The following ZNF91 variants were observed in gnomAD, a reference collection of about 807,000 sequenced individuals.
ZNF91 encodes zinc finger protein 91.
ZNF91 carries 7 observed loss-of-function variants against 12.6 expected under a neutral mutation model. The observed-to-expected ratio is 0.55, with a 90% confidence interval of 0.31 to 1.04. ZNF91 has a LOEUF of 1.04. Among genes scored for constraint, ZNF91 ranks in the 50% least tolerant of loss-of-function variants. The pLI, the probability that ZNF91 is intolerant of heterozygous loss-of-function variation, is 0.05. For missense variants in ZNF91, 1,217 were observed against 1,385.4 expected (o/e 0.88, Z 1.93); for synonymous variants, 453 against 462.6 (o/e 0.98, Z 0.27).
At chr19:23,342,212 G>A in intron 3 of ZNF91, 2 of 558,124 alleles carry the variant, frequency 3.6e-6, no homozygotes, top group Non-Finnish European at 3.3e-6. Context: ...ACATTCCAGG[G>A]CTCTTTTATT....
intron 1 of ZNF91, among the ~76,000 whole-genome samples, chr19:23,317,206 T>C (rs1484795555): frequency 6.6e-6 from 1 of 152,112 alleles, no homozygotes; most frequent in Non-Finnish European, 1.5e-5. Context: ...CCACCATGCC[T>C]GGCTAACTAT....
intron 1 of ZNF91, among the ~76,000 whole-genome samples, chr19:23,394,856 G>A (rs1054776643): frequency 2.0e-5 from 3 of 152,058 alleles, no homozygotes; most frequent in Non-Finnish European, 2.9e-5. Flanking sequence ...ACAAACCATA[G>A]CTGGGTGCTC....
intron 3 of ZNF91, among the ~76,000 whole-genome samples, chr19:23,343,387 T>C (rs1968161481): frequency 6.6e-6 from 1 of 152,218 alleles, no homozygotes; most frequent in Admixed American, 6.5e-5. Flanking sequence ...GTAAAACATC[T>C]AGTGATAGAA....
intron 3 of ZNF91, among the ~76,000 whole-genome samples, chr19:23,369,566 G>GGGGGAAATGTGGGGAAAAGAT (rs1474986199): frequency 2.0e-5 from 3 of 152,178 alleles, no homozygotes; most frequent in Non-Finnish European, 4.4e-5. Context: ...GAATAGAAAA[G>GGGGGAAATGTGGGGAAAAGAT]GGGGAAATGT....
intron 3 of ZNF91, among the ~76,000 whole-genome samples, chr19:23,370,443 T>C (rs1010185077): frequency 2.6e-4 from 40 of 152,252 alleles, no homozygotes; most frequent in African/African-American, 9.4e-4. Context: ...TTTTGCAAGA[T>C]GTAAAATTTC....
intron 1 of ZNF91, chr19:23,329,131 T>G (rs1010581678): frequency 1.3e-5 from 2 of 151,974 alleles, no homozygotes; most frequent in Non-Finnish European, 2.9e-5. Context: ...CTTTTCCTTC[T>G]TTCAATTTTT....
At chr19:23,313,930 A>G (rs376955923), upstream of ZNF91, among the ~76,000 whole-genome samples, 9 of 152,292 alleles carry the variant, frequency 5.9e-5, no homozygotes, top group African/African-American at 2.2e-4. Flanking sequence ...TAGCCAGAAC[A>G]GGGACACGTG....
At chr19:23,341,506 G>C (rs1968123349) in intron 3 of ZNF91, among the ~76,000 whole-genome samples, 1 of 151,914 alleles carries the variant, frequency 6.6e-6, no homozygotes, top group Non-Finnish European at 1.5e-5. Flanking sequence ...AAAATATATA[G>C]AAAATTCAAA....
At chr19:23,388,841 T>C (rs934004812) in intron 1 of ZNF91, among the ~76,000 whole-genome samples, 2 of 135,552 alleles carry the variant, frequency 1.5e-5, no homozygotes, top group Non-Finnish European at 3.2e-5. Context: ...GCCATTGCAC[T>C]CCAGCCTGGT....
At chr19:23,368,560 C>CTATATA (rs1369086504) in intron 3 of ZNF91, among the ~76,000 whole-genome samples, 215 of 117,474 alleles carry the variant, frequency 1.8e-3, no homozygotes, top group African/African-American at 5.2e-3. Flanking sequence ...CTCTCTCTCT[C>CTATATA]TCTATATATA....
downstream of ZNF91, among the ~76,000 whole-genome samples, chr19:23,353,310 C>A (rs567218870): frequency 6.6e-6 from 1 of 152,176 alleles, no homozygotes; most frequent in Non-Finnish European, 1.5e-5. Context: ...AAGGAACGTT[C>A]AAAACCATGC....
intron 3 of ZNF91, among the ~76,000 whole-genome samples, chr19:23,343,695 A>G (rs1298274150): frequency 1.3e-5 from 2 of 152,214 alleles, no homozygotes; most frequent in African/African-American, 2.4e-5. Flanking sequence ...GAGAGAGTAA[A>G]GCCGCTGACC....
Position 23,382,573 on chromosome 19 carries a change from T to C in ZNF91, c.31-7809A>G, listed in dbSNP as rs527544310. Among the ~76,000 whole-genome samples the C allele has an allele frequency of 7.9e-5, 12 of 152,250 alleles. No homozygotes were observed. The East Asian group carries it at 1.2e-3, about 15-fold the overall frequency. On this transcript the variant is annotated intron_variant, in intron 1 of 3. Transcript: ENST00000300619. ...CTCTTCATCTAAAAATAACATAACA[T>C]ACATTCTTCTCATCGCCACGTGGCA...
chr19:23,339,942 C>CAAAAA (rs71163488), intron 3 of ZNF91: 2 of 98,184 alleles, frequency 2.0e-5, no homozygotes, highest in African/African-American at 6.6e-5. Context: ...AAACCTATCT[C>CAAAAA]AAAAAAAAAA....
At chr19:23,376,424 T>C (rs1969506991) in intron 1 of ZNF91, among the ~76,000 whole-genome samples, 1 of 151,856 alleles carries the variant, frequency 6.6e-6, no homozygotes. Context: ...TTTGCTCTTG[T>C]TGTTGCCCAG....
intron 3 of ZNF91, among the ~76,000 whole-genome samples, chr19:23,363,441 C>G (rs2145065632): frequency 6.6e-6 from 1 of 152,328 alleles, no homozygotes; most frequent in South Asian, 2.1e-4. Flanking sequence ...TGATTACTGA[C>G]TCCTACAAAG....
chr19:23,369,933 C>T (rs2145086574), intron 3 of ZNF91, among the ~76,000 whole-genome samples: 1 of 149,238 alleles, frequency 6.7e-6, no homozygotes, highest in African/African-American at 2.5e-5. Context: ...ATCTGCTGAC[C>T]TTCCCTCCAC....
Position 23,395,373 on chromosome 19 carries a change from A to G in ZNF91, c.-19T>C, listed in dbSNP as rs1237319225. The G allele has an allele frequency of 6.2e-7, 1 of 1,613,600 alleles. No individual in the cohort carries two copies. The highest frequency in any genetic ancestry group is 8.5e-7 in the Non-Finnish European group (1 of 1,179,818). ...CTGGCATCTTAGCTGTGGCTCTCCA[A>G]TACCTGCAGGTCACAGGGCCACACA... On this transcript the variant is annotated 5_prime_UTR_variant, in exon 1 of 4. Coordinates refer to ENST00000300619, the MANE Select transcript of ZNF91 (RefSeq NM_003430.4).
upstream of ZNF91, among the ~76,000 whole-genome samples, chr19:23,313,055 T>C (rs1967497329): frequency 6.6e-6 from 1 of 152,248 alleles, no homozygotes; most frequent in Non-Finnish European, 1.5e-5. Flanking sequence ...ATTGTGCCTC[T>C]CATGCACAGA....
Sources: allele counts gnomAD v4.1 joint callset (sites outside exome capture counted in the v4.1 genomes callset), GRCh38; gene constraint gnomAD v4.1.1; transcripts MANE v1.5; gene names NCBI Gene and HGNC (gene_info 2026-07-23, HGNC 2026-07-21).